Variants in WIPF1 observed in about 807,000 individuals in gnomAD.
The protein encoded by WIPF1 is WAS/WASL-interacting protein family member 1.
Under a neutral mutation model 35.4 loss-of-function variants are expected in WIPF1, and 13 were observed. The ratio of observed to expected loss-of-function variants is 0.37; its 90% CI spans 0.24 to 0.58. The LOEUF (loss-of-function observed/expected upper bound fraction) is 0.58. WIPF1 is among the 20% of genes least tolerant of loss of function. The probability of loss-of-function intolerance (pLI) is 0.74; values close to 1 mark genes in which losing one functional copy is unlikely to be tolerated. For synonymous variants in WIPF1, 267 were observed against 266.3 expected, an observed-to-expected ratio of 1.00 and a Z score of -0.02; for missense variants, 591 against 667.0, an observed-to-expected ratio of 0.89 and a Z score of 1.25.
chr2:174,596,844 C>A (rs900525541), intron 1 of WIPF1, among the ~76,000 whole-genome samples: 3 of 152,110 alleles, frequency 2.0e-5, no homozygotes, highest in African/African-American at 7.2e-5. Context: ...GAACATAAGT[C>A]AAATTGTTTC....
chr2:174,596,384 T>C (rs987592435), intron 1 of WIPF1, among the ~76,000 whole-genome samples: 1 of 152,222 alleles, frequency 6.6e-6, no homozygotes, highest in Non-Finnish European at 1.5e-5. Context: ...CATAGCACTG[T>C]AGTCCAAGTG....
In WIPF1 at chr2:174,572,142, A is replaced by T. The variant is rs919389612; in HGVS notation, c.663T>A (p.Pro221=). The change falls in exon 5 of 8, where the codon CCT becomes CCA. Residue 221 remains proline (P), a synonymous_variant. Coordinates refer to ENST00000679041, the MANE Select transcript of WIPF1 (RefSeq NM_001375834.1). ...AAGCAGTGCCGCGGTTTCCAGGGAAAGGGGGAGGAGTGGGCCCGGGGCTGG... is the reference window on the plus strand; with the variant it reads ...AAGCAGTGCCGCGGTTTCCAGGGAATGGGGGAGGAGTGGGCCCGGGGCTGG... The part of the protein sequence containing the change: ...RQPSPGPTPP[P]FPGNRGTALG... The T allele has an allele frequency of 9.3e-6, 15 of 1,612,060 alleles. No homozygotes were observed. The African/African-American group carries it at 1.9e-4, about 20-fold the overall frequency.
rs747496276 is a variant in WIPF1, at chr2:174,571,893, T to C, written c.912A>G (p.Ser304=). Residue 304 remains serine (S), a synonymous_variant, in exon 5 of 8, where the codon TCA becomes TCG. Coordinates refer to ENST00000679041, the MANE Select transcript of WIPF1 (RefSeq NM_001375834.1). The surrounding 1 kb of genome is among the most constrained non-coding windows in gnomAD (Gnocchi z 4.6). ...GAGGTGGCGGCGGAGGTGGGGCCTGTGAGGAGGCCGAAGGCCGCGGAGTGG... is the reference window on the plus strand; with the variant it reads ...GAGGTGGCGGCGGAGGTGGGGCCTGCGAGGAGGCCGAAGGCCGCGGAGTGG... ...VPSTPRPSAS[S]QAPPPPPPPS... 1.9e-6 allele frequency: 3 copies of C among 1,611,062 alleles called. No homozygotes were observed. The highest frequency in any genetic ancestry group is 1.7e-4 in the Middle Eastern group (1 of 6,036).
chr2:174,673,801 C>T (rs1204611734), intron 1 of WIPF1: 1 of 149,324 alleles, frequency 6.7e-6, no homozygotes, highest in Non-Finnish European at 1.5e-5. Context: ...TGTGAATCTT[C>T]CTAACTTTGA....
At position 174,585,630 on chromosome 2, in the gene WIPF1, G is replaced by T. The variant is rs906238263; in HGVS notation, c.-38-19C>A. The T allele has an allele frequency of 2.0e-6, 3 of 1,523,246 alleles. No individual in the cohort carries two copies. The highest frequency in any genetic ancestry group is 1.1e-5 in the South Asian group (1 of 87,792). The allele number at this position is 1,523,246 out of a possible 1,614,324, so 94.4% of individuals were successfully genotyped here. On this transcript the variant is annotated intron_variant, in intron 1 of 7. Transcript: ENST00000679041. ...GATAAATCTGGAAAAACAAGAATGC[G>T]ATCATGTATTAGATGTAATCTTAGT...
chr2:174,635,444 GAGGAGAGCTGGAGC>G (rs1687155947), intron 1 of WIPF1, among the ~76,000 whole-genome samples: 1 of 152,022 alleles, frequency 6.6e-6, no homozygotes, highest in African/African-American at 2.4e-5. Flanking sequence ...AGAGAGGCTG[GAGGAGAGCTGGAGC>G]AGGGACTAAG....
chr2:174,647,969 T>C (rs1341991023), intron 1 of WIPF1, among the ~76,000 whole-genome samples: 1 of 152,196 alleles, frequency 6.6e-6, no homozygotes, highest in African/African-American at 2.4e-5. Context: ...CCGGACCATG[T>C]GGGGTCTCAA....
intron 4 of WIPF1, 95 bp from the exon 5 acceptor site, chr2:174,572,541 C>A: frequency 6.8e-7 from 1 of 1,476,260 alleles, no homozygotes. Context: ...AAGTCCCTTC[C>A]TCAGAGGGCT....
chr2:174,616,343 T>C (rs1686504474), intron 1 of WIPF1, among the ~76,000 whole-genome samples: 1 of 152,078 alleles, frequency 6.6e-6, no homozygotes, highest in East Asian at 1.9e-4. Flanking sequence ...GAATCATGTG[T>C]CTATAAGAGG....
intron 1 of WIPF1, among the ~76,000 whole-genome samples, chr2:174,682,083 C>A (rs569985985): frequency 1.2e-4 from 19 of 152,328 alleles, no homozygotes; most frequent in African/African-American, 4.6e-4. Flanking sequence ...GGACGCGAGA[C>A]TGAAGTGAAG....
chr2:174,590,203 G>A lies in WIPF1; in HGVS notation c.-38-4592C>T, dbSNP rs1176985541. ...AAATTTGGTTCTGAATCCTTGCTCT[G>A]CCACCTGGCAGATTCAGATGGGAAT... On this transcript the variant is annotated intron_variant, in intron 1 of 7. Coordinates refer to ENST00000679041, the MANE Select transcript of WIPF1 (RefSeq NM_001375834.1). The surrounding 1 kb of genome is among the most constrained non-coding windows in gnomAD (Gnocchi z 4.6). 1.3e-5 allele frequency among the ~76,000 whole-genome samples: 2 copies of A among 152,224 alleles called. No individual in the cohort carries two copies. The highest frequency in any genetic ancestry group is 6.5e-5 in the Admixed American group (1 of 15,282).
At chr2:174,674,337 C>T (rs1033118699) in intron 1 of WIPF1, among the ~76,000 whole-genome samples, 42 of 152,336 alleles carry the variant, frequency 2.8e-4, no homozygotes, top group African/African-American at 1.0e-3. Context: ...AGAAACTCAG[C>T]TTTGCAGTCT....
chr2:174,628,571 C>A (rs890585899), intron 1 of WIPF1, among the ~76,000 whole-genome samples: 11 of 152,202 alleles, frequency 7.2e-5, no homozygotes, highest in Non-Finnish European at 1.2e-4. Flanking sequence ...TTACGTAGAG[C>A]TCACTTTGCT....
chr2:174,662,655 C>G (rs993252841), intron 1 of WIPF1, among the ~76,000 whole-genome samples: 2 of 152,216 alleles, frequency 1.3e-5, no homozygotes, highest in Non-Finnish European at 2.9e-5. Flanking sequence ...GTCACGGCAG[C>G]AACCCAGATG....
At chr2:174,619,137 C>T (rs1384695710) in intron 1 of WIPF1, among the ~76,000 whole-genome samples, 2 of 151,946 alleles carry the variant, frequency 1.3e-5, no homozygotes, top group African/African-American at 4.8e-5. Flanking sequence ...TTTTTAGATA[C>T]GGGGTCACAC....
chr2:174,582,026 T>A (rs1242877321), intron 2 of WIPF1, among the ~76,000 whole-genome samples: 1 of 152,250 alleles, frequency 6.6e-6, no homozygotes, highest in African/African-American at 2.4e-5. Flanking sequence ...TCACCCTTTT[T>A]AGTTACAGCT....
chr2:174,570,372 G>A (rs1029238308), intron 5 of WIPF1: 9 of 152,218 alleles, frequency 5.9e-5, no homozygotes, highest in Non-Finnish European at 1.0e-4. Context: ...GATAGTGGTG[G>A]TAGAAGGATT....
chr2:174,587,004 A>T (rs887704198), intron 1 of WIPF1, among the ~76,000 whole-genome samples: 3 of 152,260 alleles, frequency 2.0e-5, no homozygotes, highest in South Asian at 2.1e-4. Flanking sequence ...TCTTTAAAAA[A>T]TTTTTTTAAA....
chr2:174,663,269 C>A (rs979342194), intron 1 of WIPF1, among the ~76,000 whole-genome samples: 1 of 152,144 alleles, frequency 6.6e-6, no homozygotes, highest in Non-Finnish European at 1.5e-5. Context: ...CAGATAACTG[C>A]GACCCAAACC....
Sources: allele counts gnomAD v4.1 joint callset (sites outside exome capture counted in the v4.1 genomes callset), GRCh38; gene constraint gnomAD v4.1.1; non-coding constraint Gnocchi (gnomAD v3.1); transcripts MANE v1.5; gene names NCBI Gene and HGNC (gene_info 2026-07-23, HGNC 2026-07-21).